Variants in FTO observed in about 807,000 individuals in gnomAD.
FTO encodes alpha-ketoglutarate-dependent dioxygenase FTO.
FTO carries 47 observed loss-of-function variants against 63.9 expected under a neutral mutation model. That is an observed-to-expected ratio of 0.74 (90% CI 0.58 to 0.94). The LOEUF (loss-of-function observed/expected upper bound fraction) is 0.94. Ranked by LOEUF, FTO falls within the 40% of genes least tolerant of loss-of-function variation. FTO has a pLI of 0.00. For missense variants in FTO, 562 were observed against 618.1 expected (o/e 0.91, Z 0.96); for synonymous variants, 207 against 224.4 (o/e 0.92, Z 0.69).
At chr16:53,965,070 C>G (rs543431577) in intron 8 of FTO, among the ~76,000 whole-genome samples, 2 of 141,154 alleles carry the variant, frequency 1.4e-5, no homozygotes, top group East Asian at 4.4e-4. Context: ...TAGTGATGAA[C>G]CCCCCGCCCT....
intron 7 of FTO, among the ~76,000 whole-genome samples, chr16:53,913,883 G>A (rs2081782283): frequency 6.6e-6 from 1 of 151,978 alleles, no homozygotes. Context: ...GGAGGCTGAG[G>A]CAGGAGAATT....
At chr16:53,710,266 CTTTT>C (rs564940054) in intron 1 of FTO, among the ~76,000 whole-genome samples, 2 of 132,858 alleles carry the variant, frequency 1.5e-5, no homozygotes, top group Non-Finnish European at 1.6e-5. Context: ...CAGATTTTGC[CTTTT>C]TTTTTTTTTT....
At chr16:54,035,626 A>G (rs1166140755) in intron 8 of FTO, among the ~76,000 whole-genome samples, 2 of 152,170 alleles carry the variant, frequency 1.3e-5, no homozygotes, top group Non-Finnish European at 2.9e-5. Context: ...CCACTGGAGA[A>G]CACTTAATTG....
chr16:53,970,645 G>A (rs565711613), intron 8 of FTO, among the ~76,000 whole-genome samples: 1 of 151,972 alleles, frequency 6.6e-6, no homozygotes, highest in South Asian at 2.1e-4. Context: ...GATGGTGGTG[G>A]GTATGGCAAA....
chr16:53,868,021 A>C (rs2086086505), intron 4 of FTO, among the ~76,000 whole-genome samples: 1 of 152,128 alleles, frequency 6.6e-6, no homozygotes, highest in Admixed American at 6.5e-5. Flanking sequence ...CTTTCTTTAG[A>C]TTAATGTTAG....
At chr16:53,892,338 C>G (rs1195126574) in intron 7 of FTO, among the ~76,000 whole-genome samples, 1 of 152,122 alleles carries the variant, frequency 6.6e-6, no homozygotes, top group East Asian at 1.9e-4. Flanking sequence ...ATACCATTAA[C>G]TGTCAAGAAT....
chr16:53,944,993 A>G (rs1184410016), intron 8 of FTO, among the ~76,000 whole-genome samples: 9 of 152,184 alleles, frequency 5.9e-5, no homozygotes, highest in Non-Finnish European at 1.3e-4. Context: ...CAGCAGTGTC[A>G]CACAGAATTG....
intron 1 of FTO, among the ~76,000 whole-genome samples, chr16:53,793,738 A>G (rs1273789844): frequency 6.6e-6 from 1 of 152,114 alleles, no homozygotes; most frequent in East Asian, 1.9e-4. Flanking sequence ...CTCAAAACAA[A>G]CAAACAAACA....
chr16:54,103,835 T>C (rs1387706801), intron 8 of FTO, among the ~76,000 whole-genome samples: 3 of 152,226 alleles, frequency 2.0e-5, no homozygotes, highest in Non-Finnish European at 2.9e-5. Context: ...TAAACTAGAC[T>C]GCAAATTTTT....
intron 3 of FTO, among the ~76,000 whole-genome samples, chr16:53,830,269 C>T (rs373716889): frequency 1.6e-4 from 24 of 152,286 alleles, no homozygotes; most frequent in African/African-American, 5.1e-4. Context: ...GGAATGGCTT[C>T]GGGGAACCAT....
At chr16:53,988,151 GT>G (rs2083715948) in intron 8 of FTO, among the ~76,000 whole-genome samples, 2 of 152,154 alleles carry the variant, frequency 1.3e-5, no homozygotes, top group South Asian at 4.1e-4. Context: ...CATTTTAAGA[GT>G]TGCCCATTTG....
In FTO at chr16:53,844,176, A is replaced by G. The variant is rs369122168; in HGVS notation, c.773A>G (p.Asp258Gly). The change falls in exon 4 of 9, where the codon GAT becomes GGT. Residue 258 changes from aspartate (D) to glycine (G), a missense_variant. Transcript: ENST00000471389. ...GCAGGCCCTGAAGAGGAAAGTGAGG[A>G]TGACTCTCATCTCGAAGGCAGGGAT... ...SCEGPEEESEDDSHLEGRDPD... is the reference protein window; with the variant it reads ...SCEGPEEESEGDSHLEGRDPD... 4.3e-5 allele frequency: 69 copies of G among 1,613,784 alleles called. No individual in the cohort carries two copies. The highest frequency in any genetic ancestry group is 5.6e-5 in the Non-Finnish European group (66 of 1,179,834).
intron 8 of FTO, among the ~76,000 whole-genome samples, chr16:54,053,003 A>G (rs1350568984): frequency 6.6e-6 from 1 of 152,216 alleles, no homozygotes; most frequent in Non-Finnish European, 1.5e-5. Context: ...CACCCGGCCA[A>G]GAACGTGACT....
intron 1 of FTO, among the ~76,000 whole-genome samples, chr16:53,765,954 CT>C (rs1293227370): frequency 2.6e-5 from 4 of 152,092 alleles, no homozygotes; most frequent in Admixed American, 2.0e-4. Context: ...GTGACTTACT[CT>C]GATTTGATTT....
chr16:53,997,508 A>C (rs1357783676), intron 8 of FTO, among the ~76,000 whole-genome samples: 1 of 149,690 alleles, frequency 6.7e-6, no homozygotes, highest in Non-Finnish European at 1.5e-5. Context: ...AATAATGGCT[A>C]AGTCAAATCT....
chr16:53,868,129 A>G (rs1444739040), intron 4 of FTO, among the ~76,000 whole-genome samples: 1 of 151,934 alleles, frequency 6.6e-6, no homozygotes, highest in East Asian at 1.9e-4. Flanking sequence ...CTTGTTTTTT[A>G]TCTATTCTGA....
At position 53,927,838 on chromosome 16, in the gene FTO, C is replaced by T. The variant is rs187623594; in HGVS notation, c.1240-6147C>T. Among the ~76,000 whole-genome samples the T allele has an allele frequency of 6.5e-4, 99 of 152,280 alleles. 2 individuals are homozygous for T. The East Asian group carries it at 0.011, about 16-fold the overall frequency. On this transcript the variant is annotated intron_variant, in intron 7 of 8. Coordinates refer to ENST00000471389, the MANE Select transcript of FTO (RefSeq NM_001080432.3). ...CACTAGGGATATGCAAAAAGATATG[C>T]CTCTGGCTTCTGGTACATAAAAATT...
chr16:53,802,530 T>C (rs2078254979), intron 1 of FTO, among the ~76,000 whole-genome samples: 1 of 152,200 alleles, frequency 6.6e-6, no homozygotes, highest in Non-Finnish European at 1.5e-5. Context: ...TGCGTTTTAG[T>C]GTTATTTCCT....
chr16:53,741,127 T>C (rs2076519323), intron 1 of FTO, among the ~76,000 whole-genome samples: 1 of 152,250 alleles, frequency 6.6e-6, no homozygotes, highest in Non-Finnish European at 1.5e-5. Flanking sequence ...TATTGAAACA[T>C]AGCCATGCTC....
Sources: gnomAD v4.1 joint callset for allele counts (sites outside exome capture counted in the v4.1 genomes callset) on GRCh38, gnomAD v4.1.1 for gene constraint, MANE v1.5 for transcripts, NCBI Gene and HGNC (gene_info 2026-07-23, HGNC 2026-07-21) for gene names.